The following FADS2 variants were observed in gnomAD, a reference collection of about 807,000 sequenced individuals.
FADS2 encodes the protein fatty acid desaturase 2.
FADS2 carries 18 observed loss-of-function variants against 61.2 expected under a neutral mutation model. That is an observed-to-expected ratio of 0.29 (90% CI 0.20 to 0.44). The LOEUF (loss-of-function observed/expected upper bound fraction) is 0.44. FADS2 is among the 20% of genes least tolerant of loss of function. The probability of loss-of-function intolerance (pLI) is 1.00; values close to 1 mark genes in which losing one functional copy is unlikely to be tolerated. For synonymous variants in FADS2, 203 were observed against 223.9 expected (o/e 0.91, Z 0.83); for missense variants, 322 against 572.7 (o/e 0.56, Z 4.47).
intron 1 of FADS2, among the ~76,000 whole-genome samples, chr11:61,835,242 A>G (rs929943361): frequency 3.9e-5 from 6 of 152,070 alleles, no homozygotes; most frequent in Non-Finnish European, 5.9e-5. Context: ...AGTCTGTTCT[A>G]GACACAAATA....
chr11:61,834,053 T>C (rs1286708222), intron 1 of FADS2, among the ~76,000 whole-genome samples: 2 of 152,226 alleles, frequency 1.3e-5, no homozygotes, highest in Non-Finnish European at 2.9e-5. Flanking sequence ...TATGAAGATC[T>C]AACAGGGCAA....
intron 1 of FADS2, among the ~76,000 whole-genome samples, chr11:61,833,885 G>A (rs1288674495): frequency 1.2e-4 from 19 of 152,140 alleles, no homozygotes. Context: ...TTATTCCCTC[G>A]TGAGCCATCT....
chr11:61,837,430 G>A (rs568356982), intron 1 of FADS2, among the ~76,000 whole-genome samples: 82 of 152,304 alleles, frequency 5.4e-4, no homozygotes, highest in African/African-American at 1.5e-3. Flanking sequence ...ACGAGCAGTC[G>A]AGGCTCAAGT....
chr11:61,862,794 A>G, intron 7 of FADS2, 178 bp from the exon 8 acceptor site: 1 of 612,900 alleles, frequency 1.6e-6, no homozygotes, highest in Non-Finnish European at 2.9e-6. Context: ...CCCTAGAAAC[A>G]AAGGCAGCCA....
Position 61,819,778 on chromosome 11 carries a change from CAT to C in FADS2, c.141+3355_141+3356del, listed in dbSNP as rs1187002333. Among the ~76,000 whole-genome samples, 12 of 152,150 alleles carry C rather than the reference CAT, an allele frequency of 7.9e-5. No homozygotes were observed. In the East Asian group the frequency reaches 2.3e-3, roughly 29 times the overall value. ...ATATGCACAACATGGAGGTTTGTTA[CAT>C]ATGTATACATGTGCCATGTTGGTGT... On this transcript the variant is annotated intron_variant, in intron 1 of 11. Coordinates refer to the FADS2 transcript ENST00000257261.
chr11:61,863,031 C>T lies in FADS2; in HGVS notation c.942C>T (p.Tyr314=), dbSNP rs768032615. Residue 314 remains tyrosine (Y), a synonymous_variant, in exon 8 of 12, where the codon TAC becomes TAT. Transcript: ENST00000278840. ...IRFFITYIPF[Y]GILGALLFLN... ...TCTTCATCACCTACATCCCTTTCTA[C>T]GGCATCCTGGGAGCCCTCCTTTTCC... 24 of 1,614,234 alleles carry T rather than the reference C, an allele frequency of 1.5e-5. No individual in the cohort carries two copies. Among genetic ancestry groups the T allele is most frequent in the South Asian group, 8.8e-5 (8 of 91,088 alleles).
chr11:61,825,369 G>A (rs371545797), upstream of FADS2, among the ~76,000 whole-genome samples: 138 of 152,206 alleles, frequency 9.1e-4, 1 homozygote, highest in Non-Finnish European at 1.7e-3. Flanking sequence ...TGTAATCCCA[G>A]CACTCTGGGA....
At chr11:61,820,443 C>T (rs1325204319) in intron 1 of FADS2, among the ~76,000 whole-genome samples, 8 of 152,118 alleles carry the variant, frequency 5.3e-5, no homozygotes, top group Admixed American at 5.2e-4. Flanking sequence ...CATGACTTTG[C>T]ATTCATGTTT....
Position 61,828,684 on chromosome 11 carries a change from G to A in FADS2, c.207+87G>A. 8.4e-7 allele frequency: 1 copy of A among 1,189,158 alleles called. No homozygotes were observed. Among genetic ancestry groups the A allele is most frequent in the South Asian group, 1.4e-5 (1 of 70,452 alleles). 73.7% of individuals were successfully genotyped at this position (1,189,158 alleles called of 1,614,324 possible). ...CTCCCCGTGGGCCAAACAGACCTCC[G>A]GCGCTGAATGGAGCTTGGGACGTCC... On this transcript the variant is annotated intron_variant, in intron 1 of 11. Coordinates refer to ENST00000278840, the MANE Select transcript of FADS2 (RefSeq NM_004265.4). The surrounding 1 kb of genome is among the most constrained non-coding windows in gnomAD (Gnocchi z 6.4).
chr11:61,837,000 C>T (rs1015784322), intron 1 of FADS2, among the ~76,000 whole-genome samples: 2 of 152,148 alleles, frequency 1.3e-5, no homozygotes, highest in South Asian at 4.1e-4. Context: ...AGGAAAAATG[C>T]TAAAATATTA....
intron 7 of FADS2, chr11:61,862,113 C>CG (rs2135980203): frequency 6.6e-6 from 1 of 152,410 alleles, no homozygotes; most frequent in South Asian, 2.1e-4. Context: ...GCAGAGGCCC[C>CG]GGGGAGGGAG....
upstream of FADS2, chr11:61,828,050 G>A (rs2067097555): frequency 1.0e-5 from 12 of 1,183,422 alleles, no homozygotes; most frequent in Non-Finnish European, 1.1e-5. The surrounding 1 kb of genome is among the most constrained non-coding windows in gnomAD (Gnocchi z 6.4). Flanking sequence ...GAGGCGGGGG[G>A]AGCCGGAGGG....
At chr11:61,822,008 C>T (rs1242301955) in intron 1 of FADS2, among the ~76,000 whole-genome samples, 1 of 150,936 alleles carries the variant, frequency 6.6e-6, no homozygotes, top group East Asian at 1.9e-4. Flanking sequence ...CTCGCTCTGT[C>T]ACCCAGGCTG....
At chr11:61,862,856 G>T (rs1226274053) in intron 7 of FADS2, 116 bp from the exon 8 acceptor site, 1 of 790,978 alleles carries the variant, frequency 1.3e-6, no homozygotes, top group East Asian at 2.5e-5. Context: ...CATTTCAGTG[G>T]GCTGCGGTCC....
rs11539527 is a variant in FADS2, at chr11:61,866,116, A to G, written c.*427A>G. ...GGTTCTTCAGATGCTCTTGGGGTTC[A>G]TAGGGGCAGGTCCTAGTCGGGCAGG... is the stretch of plus-strand genomic sequence containing the variant. On this transcript the variant is annotated 3_prime_UTR_variant, in exon 12 of 12. Coordinates refer to ENST00000278840, the MANE Select transcript of FADS2 (RefSeq NM_004265.4). 0.011 allele frequency: 4,549 copies of G among 400,864 alleles called. 140 individuals are homozygous for G. The highest frequency in any genetic ancestry group is 0.051 in the African/African-American group (2,492 of 48,846). The allele number at this position is 400,864 out of a possible 1,614,324, so 24.8% of individuals were successfully genotyped here. A position where few individuals can be genotyped will look rare whatever the true frequency, so the allele number is the denominator to read the frequency against.
chr11:61,849,498 C>T (rs2067288236), intron 5 of FADS2, among the ~76,000 whole-genome samples: 1 of 151,842 alleles, frequency 6.6e-6, no homozygotes, highest in African/African-American at 2.4e-5. Flanking sequence ...GTGGGTGGAT[C>T]CCTTGAGCTG....
chr11:61,825,008 T>C (rs950317135), upstream of FADS2, among the ~76,000 whole-genome samples: 15 of 151,392 alleles, frequency 9.9e-5, no homozygotes, highest in African/African-American at 3.2e-4. Flanking sequence ...ATGGCCAACA[T>C]GGTGAAACCC....
At chr11:61,825,465 A>T (rs1182600863), upstream of FADS2, among the ~76,000 whole-genome samples, 1 of 152,070 alleles carries the variant, frequency 6.6e-6, no homozygotes, top group African/African-American at 2.4e-5. Context: ...TAAAAATATA[A>T]AAATTAGCCG....
chr11:61,863,183 C>A, intron 8 of FADS2, 99 bp from the exon 9 acceptor site: 2 of 1,436,060 alleles, frequency 1.4e-6, no homozygotes, highest in South Asian at 1.2e-5. Flanking sequence ...CATCCTGGCC[C>A]CTTGGCAGGG....
Sources: allele counts gnomAD v4.1 joint callset (sites outside exome capture counted in the v4.1 genomes callset), GRCh38; gene constraint gnomAD v4.1.1; non-coding constraint Gnocchi (gnomAD v3.1); transcripts MANE v1.5; gene names NCBI Gene and HGNC (gene_info 2026-07-23, HGNC 2026-07-21).